The following ABCA9 variants were observed in gnomAD, a reference collection of about 807,000 sequenced individuals.
The protein encoded by ABCA9 is ATP-binding cassette sub-family A member 9.
A neutral mutation model predicts 205.3 loss-of-function variants in ABCA9; 183 were observed. The ratio of observed to expected loss-of-function variants is 0.89; its 90% CI spans 0.79 to 1.01. The LOEUF (loss-of-function observed/expected upper bound fraction) is 1.01. Ranked by LOEUF, ABCA9 falls within the 50% of genes least tolerant of loss-of-function variation. The pLI is 0.00. For synonymous variants in ABCA9, 651 were observed against 683.3 expected, an observed-to-expected ratio of 0.95 and a Z score of 0.74; for missense variants, 1,805 against 1,912.4, an observed-to-expected ratio of 0.94 and a Z score of 1.05.
At chr17:68,981,023 A>C (rs896590107) in intron 37 of ABCA9, among the ~76,000 whole-genome samples, 14 of 152,136 alleles carry the variant, frequency 9.2e-5, no homozygotes, top group African/African-American at 3.4e-4. Flanking sequence ...CAAATAGTGC[A>C]TAACCCCACT....
intron 19 of ABCA9, 144 bp downstream of exon 19, chr17:69,020,244 C>A: frequency 5.1e-6 from 4 of 780,566 alleles, no homozygotes; most frequent in Middle Eastern, 3.3e-4. Flanking sequence ...AAAATGGTTT[C>A]TTTAATTAAA....
At chr17:69,054,551 G>T (rs1018557842) in intron 1 of ABCA9, among the ~76,000 whole-genome samples, 2 of 148,694 alleles carry the variant, frequency 1.3e-5, no homozygotes, top group Non-Finnish European at 3.0e-5. Flanking sequence ...GAAAAGAAAA[G>T]AAAATTCAGA....
chr17:68,981,876 G>A (rs746242083), intron 37 of ABCA9, among the ~76,000 whole-genome samples: 2 of 149,256 alleles, frequency 1.3e-5, no homozygotes, highest in African/African-American at 2.5e-5. Context: ...GATGCTTGAG[G>A]CCTCTGATGA....
chr17:68,986,251 C>T lies in ABCA9; in HGVS notation c.4121G>A (p.Trp1374Ter), dbSNP rs752762218. Residue 1374 changes from tryptophan to a stop codon, truncating the protein, a stop_gained, in exon 32 of 39, where the codon TGG becomes TAG. Coordinates refer to ENST00000340001, the MANE Select transcript of ABCA9 (RefSeq NM_080283.4). LOFTEE classifies it high-confidence loss of function. ...LGYCPQENAL[W>*]PNLTVRQHLE... ...GTGCTGCCTCACTGTCAGGTTGGGC[C>T]ACAGCGCATTCTCCTGAGGGCAGTA... The T allele has an allele frequency of 1.9e-6, 3 of 1,614,110 alleles. No individual in the cohort carries two copies. The South Asian group carries it at 3.3e-5, about 18-fold the overall frequency.
chr17:69,024,502 T>G, intron 16 of ABCA9, 149 bp from the exon 17 acceptor site: 1 of 725,118 alleles, frequency 1.4e-6, no homozygotes, highest in South Asian at 2.2e-5. Context: ...GTAAAACTAC[T>G]AATAAAGTCC....
chr17:69,077,026 T>C, the ABCA9 span, among the ~76,000 whole-genome samples: 1 of 152,148 alleles, frequency 6.6e-6, no homozygotes, highest in Non-Finnish European at 1.5e-5. Flanking sequence ...TCTGCACTGA[T>C]TTTAGTTATT....
intron 36 of ABCA9, among the ~76,000 whole-genome samples, chr17:68,983,243 A>T (rs1443822988): frequency 1.3e-5 from 2 of 152,176 alleles, no homozygotes; most frequent in African/African-American, 4.8e-5. Flanking sequence ...AGAGAGTAGC[A>T]TTTCAGTAAA....
the ABCA9 span, among the ~76,000 whole-genome samples, chr17:69,067,885 A>G: frequency 6.6e-6 from 1 of 152,214 alleles, no homozygotes; most frequent in Non-Finnish European, 1.5e-5. Context: ...GGGGCAGTAC[A>G]TAAAAACAAA....
At chr17:69,006,276 C>A (rs1428436075) in intron 25 of ABCA9, among the ~76,000 whole-genome samples, 3 of 152,130 alleles carry the variant, frequency 2.0e-5, no homozygotes, top group Non-Finnish European at 4.4e-5. Context: ...CCTAGTAATT[C>A]CACTGCTAGG....
chr17:69,002,974 A>G (rs952666949), intron 25 of ABCA9, among the ~76,000 whole-genome samples: 4 of 144,926 alleles, frequency 2.8e-5, no homozygotes, highest in African/African-American at 5.3e-5. Flanking sequence ...TGCTTGGTAG[A>G]TCTTCCTCCA....
chr17:69,046,513 C>T (rs573947737), intron 3 of ABCA9, among the ~76,000 whole-genome samples: 1 of 152,242 alleles, frequency 6.6e-6, no homozygotes, highest in South Asian at 2.1e-4. Context: ...TCCATTAATT[C>T]AATGGGAGTT....
chr17:69,059,783 T>C (rs9906382), intron 1 of ABCA9, among the ~76,000 whole-genome samples: 12 of 152,206 alleles, frequency 7.9e-5, no homozygotes, highest in African/African-American at 2.6e-4. Context: ...TGGACATTTA[T>C]TTTATGACGT....
intron 22 of ABCA9, among the ~76,000 whole-genome samples, chr17:69,012,673 G>C (rs2070424770): frequency 6.6e-6 from 1 of 152,124 alleles, no homozygotes; most frequent in Non-Finnish European, 1.5e-5. Flanking sequence ...GCAATGTGAA[G>C]TAAGCACATC....
chr17:69,026,885 TC>T lies in ABCA9; in HGVS notation c.2050+90del, dbSNP rs1281042433. ...TTCTCCTGTCTTGGGCCATGGCAGTTCCAGGGAGACACAGCTGTGGAGCATA... is the reference window on the plus strand; with the variant it reads ...TTCTCCTGTCTTGGGCCATGGCAGTTCAGGGAGACACAGCTGTGGAGCATA... On this transcript the variant is annotated intron_variant, in intron 15 of 38. Transcript: ENST00000340001. 2.0e-6 allele frequency: 3 copies of T among 1,479,098 alleles called. No homozygotes were observed. The African/African-American group carries it at 4.2e-5, about 21-fold the overall frequency. The allele number at this position is 1,479,098 out of a possible 1,614,324, so 91.6% of individuals were successfully genotyped here.
At chr17:69,062,060 T>C (rs1386154207), upstream of ABCA9, among the ~76,000 whole-genome samples, 2 of 152,068 alleles carry the variant, frequency 1.3e-5, no homozygotes. Context: ...CTTTTTCTAA[T>C]TATATGCGAT....
chr17:69,047,400 C>T (rs1417411755), intron 3 of ABCA9, among the ~76,000 whole-genome samples: 1 of 151,344 alleles, frequency 6.6e-6, no homozygotes, highest in Non-Finnish European at 1.5e-5. Flanking sequence ...TTAATTGGCT[C>T]ACAGTTCTGC....
chr17:69,078,210 G>T, the ABCA9 span, among the ~76,000 whole-genome samples: 32 of 141,408 alleles, frequency 2.3e-4, no homozygotes, highest in South Asian at 4.4e-4. Flanking sequence ...TGTTTTTGTT[G>T]TTTTTTTTTT....
At chr17:68,983,522 C>T (rs2069129885) in intron 36 of ABCA9, among the ~76,000 whole-genome samples, 187 bp downstream of exon 36, 1 of 152,202 alleles carries the variant, frequency 6.6e-6, no homozygotes, top group Admixed American at 6.5e-5. Flanking sequence ...GGTCAGCTTT[C>T]AAATCAGCAC....
At chr17:69,028,725 A>G in intron 11 of ABCA9, 80 bp from the exon 12 acceptor site, 1 of 739,708 alleles carries the variant, frequency 1.4e-6, no homozygotes, top group South Asian at 2.9e-5. Context: ...AATTTTTTGC[A>G]GCATGAATAG....
Sources: gnomAD v4.1 joint callset for allele counts (sites outside exome capture counted in the v4.1 genomes callset) on GRCh38, gnomAD v4.1.1 for gene constraint, MANE v1.5 for transcripts, NCBI Gene and HGNC (gene_info 2026-07-23, HGNC 2026-07-21) for gene names.